Variants in PHF8 observed in about 807,000 individuals in gnomAD.
PHF8 encodes the protein PHD finger protein 8.
PHF8 carries 9 observed loss-of-function variants against 74.4 expected under a neutral mutation model. That is an observed-to-expected ratio of 0.12 (90% CI 0.07 to 0.21). PHF8 has a LOEUF of 0.21. Ranked by LOEUF, PHF8 falls within the 10% of genes least tolerant of loss-of-function variation. The probability of loss-of-function intolerance (pLI) is 1.00; values close to 1 mark genes in which losing one functional copy is unlikely to be tolerated. For missense variants in PHF8, 478 were observed against 816.6 expected (o/e 0.59, Z 5.05); for synonymous variants, 311 against 316.6 (o/e 0.98, Z 0.19).
intron 18 of PHF8, among the ~76,000 whole-genome samples, chrX:53,964,937 T>C: frequency 9.2e-6 from 1 of 109,133 alleles, no homozygotes; most frequent in South Asian, 4.0e-4. Flanking sequence ...AGGGAGGAAT[T>C]AGTGTTTAGG....
At chrX:53,960,932 T>G (rs2065094394) in intron 19 of PHF8, among the ~76,000 whole-genome samples, 1 of 109,856 alleles carries the variant, frequency 9.1e-6, no homozygotes, top group South Asian at 4.1e-4. Context: ...ATTTTCTAAA[T>G]TTTCTACTGT....
rs142537394 is a variant in PHF8 at position 53,978,341 on chromosome X, C to T, written c.2443+6573G>A. ...CTAGAAAAATGAAAACTCATATTCA[C>T]ACAAGAACCTATACCTGAATGTTCA... On this transcript the variant is annotated intron_variant, in intron 18 of 21. Coordinates refer to ENST00000338154, the MANE Select transcript of PHF8 (RefSeq NM_015107.3). Among the ~76,000 whole-genome samples, 507 of 111,701 alleles carry T rather than the reference C, an allele frequency of 4.5e-3. 4 individuals are homozygous for T. Among genetic ancestry groups the T allele is most frequent in the African/African-American group, 0.016 (487 of 30,763 alleles).
At chrX:53,967,370 G>GGA (rs1557093243) in intron 18 of PHF8, among the ~76,000 whole-genome samples, 1 of 100,283 alleles carries the variant, frequency 1.0e-5, no homozygotes, top group African/African-American at 3.7e-5. Context: ...GAGGTGGGGG[G>GGA]TCAGCCCCCC....
intron 17 of PHF8, among the ~76,000 whole-genome samples, 177 bp from the exon 18 acceptor site, chrX:53,985,404 A>G (rs1402762591): frequency 3.6e-5 from 4 of 111,889 alleles, no homozygotes; most frequent in Non-Finnish European, 7.5e-5. Context: ...AGACAGTATC[A>G]TAGATTGCTT....
At chrX:54,019,366 G>A (rs1178349642) in intron 4 of PHF8, among the ~76,000 whole-genome samples, 2 of 110,347 alleles carry the variant, frequency 1.8e-5, no homozygotes, top group Non-Finnish European at 3.8e-5. Flanking sequence ...AGGAAGCGCA[G>A]GTGGGAAGAT....
At chrX:54,030,434 T>C (rs142542285) in intron 2 of PHF8, among the ~76,000 whole-genome samples, 7 of 111,791 alleles carry the variant, frequency 6.3e-5, no homozygotes, top group Admixed American at 4.8e-4. Context: ...GTTATCCCCA[T>C]GGTATACTGC....
In PHF8 at chrX:53,943,199, A is replaced by G. The variant is rs2064778725; in HGVS notation, c.2649+935T>C. The G allele has an allele frequency of 1.2e-5, 11 of 928,239 alleles. 1 individual carries two copies. The South Asian group carries it at 2.0e-4, about 17-fold the overall frequency. The allele number at this position is 928,239 out of a possible 1,213,427, so 76.5% of individuals were successfully genotyped here. ...CAGCTTACACTGTATTGGGATATACATAAGAGACAGAAGTTCTGGTCAAAG... is the reference window on the plus strand; with the variant it reads ...CAGCTTACACTGTATTGGGATATACGTAAGAGACAGAAGTTCTGGTCAAAG... On this transcript the variant is annotated intron_variant, in intron 20 of 21. Coordinates refer to ENST00000338154, the MANE Select transcript of PHF8 (RefSeq NM_015107.3).
At chrX:54,024,589 C>A (rs2066234876) in intron 2 of PHF8, among the ~76,000 whole-genome samples, 1 of 111,767 alleles carries the variant, frequency 8.9e-6, no homozygotes, top group South Asian at 3.8e-4. Flanking sequence ...CTCTCTTCAA[C>A]AAACACTCCT....
At chrX:54,004,004 T>A (rs1179077346) in intron 8 of PHF8, among the ~76,000 whole-genome samples, 2 of 112,052 alleles carry the variant, frequency 1.8e-5, no homozygotes, top group Admixed American at 1.9e-4. Context: ...AATACCCCTA[T>A]TGGTGCTATT....
At chrX:53,967,322 G>T (rs1603306284) in intron 18 of PHF8, among the ~76,000 whole-genome samples, 3 of 98,694 alleles carry the variant, frequency 3.0e-5, no homozygotes, top group East Asian at 3.3e-4. Flanking sequence ...AGGTGGGGGG[G>T]TCAGCCCCCC....
At chrX:53,957,454 G>C (rs1009901741) in intron 19 of PHF8, among the ~76,000 whole-genome samples, 1 of 110,761 alleles carries the variant, frequency 9.0e-6, no homozygotes, top group Non-Finnish European at 1.9e-5. Context: ...CCGGGAGGCA[G>C]AGGTTGCAGT....
chrX:54,043,957 C>T lies in PHF8; in HGVS notation c.-288G>A. On this transcript the variant is annotated 5_prime_UTR_variant, in exon 1 of 22. Coordinates refer to ENST00000338154, the MANE Select transcript of PHF8 (RefSeq NM_015107.3). ...ACTGCGAAGCGCCTCAGCGGAGGCT[C>T]GTCCGGTAGTTCCGGCCCCTACGGC... 1 of 754,997 alleles carries T rather than the reference C, an allele frequency of 1.3e-6. No homozygotes were observed. Among genetic ancestry groups the T allele is most frequent in the Non-Finnish European group, 1.6e-6 (1 of 639,436 alleles). The allele number at this position is 754,997 out of a possible 1,213,427, so 62.2% of individuals were successfully genotyped here.
At chrX:53,960,364 C>T (rs1022037489) in intron 19 of PHF8, among the ~76,000 whole-genome samples, 4 of 109,216 alleles carry the variant, frequency 3.7e-5, no homozygotes, top group East Asian at 3.0e-4. Flanking sequence ...CGTGAGCCAC[C>T]GCACCTGGCC....
intron 14 of PHF8, among the ~76,000 whole-genome samples, chrX:53,990,956 T>C (rs1390476386): frequency 8.9e-6 from 1 of 112,053 alleles, no homozygotes; most frequent in African/African-American, 3.2e-5. Flanking sequence ...TTATAAGAAC[T>C]ACCATGTATT....
In PHF8 at chrX:53,944,709, C is replaced by A. The variant is rs189394478; in HGVS notation, c.2540-466G>T. 59 of 122,883 alleles carry A rather than the reference C, an allele frequency of 4.8e-4. No individual in the cohort carries two copies. In the East Asian group the frequency reaches 0.014, roughly 28 times the overall value. The allele number at this position is 122,883 out of a possible 1,213,427, so 10.1% of individuals were successfully genotyped here. ...CTCCAGCCTGGGCAACAGAGTGAGACCCTGTCTCTAAAAATAGAACAATAA... is the reference window on the plus strand; with the variant it reads ...CTCCAGCCTGGGCAACAGAGTGAGAACCTGTCTCTAAAAATAGAACAATAA... On this transcript the variant is annotated intron_variant, in intron 19 of 21. Coordinates refer to ENST00000338154, the MANE Select transcript of PHF8 (RefSeq NM_015107.3).
intron 2 of PHF8, among the ~76,000 whole-genome samples, chrX:54,031,580 T>C (rs1470508978): frequency 9.6e-6 from 1 of 103,798 alleles, no homozygotes; most frequent in Non-Finnish European, 2.0e-5. Flanking sequence ...GACTGTTCTA[T>C]CTCCAAAAAA....
chrX:53,999,435 G>T, intron 11 of PHF8: 1 of 142,219 alleles, frequency 7.0e-6, no homozygotes, highest in East Asian at 2.0e-4. Context: ...AAGGTTTTAG[G>T]GAGGCAAAAG....
chrX:53,954,296 G>A (rs781905447), intron 19 of PHF8, among the ~76,000 whole-genome samples: 2 of 109,628 alleles, frequency 1.8e-5, no homozygotes, highest in African/African-American at 3.3e-5. Context: ...TCAGGAGATC[G>A]AGACAATCCT....
chrX:54,009,881 A>AAAAAAAAG (rs2065956245), intron 8 of PHF8, among the ~76,000 whole-genome samples: 2 of 99,745 alleles, frequency 2.0e-5, no homozygotes, highest in Non-Finnish European at 2.0e-5. Flanking sequence ...AAAAAAAAAA[A>AAAAAAAAG]GTGGCTCTTT....
Sources: gnomAD v4.1 joint callset for allele counts (sites outside exome capture counted in the v4.1 genomes callset) on GRCh38, gnomAD v4.1.1 for gene constraint, MANE v1.5 for transcripts, NCBI Gene and HGNC (gene_info 2026-07-23, HGNC 2026-07-21) for gene names.